PCDH7: variants seen among roughly 807,000 people sequenced by gnomAD.
The protein encoded by PCDH7 is protocadherin-7.
PCDH7 carries 17 observed loss-of-function variants against 58.9 expected under a neutral mutation model. That is an observed-to-expected ratio of 0.29 (90% CI 0.20 to 0.43). The LOEUF is 0.43. Among genes scored for constraint, PCDH7 ranks in the 20% least tolerant of loss-of-function variants. The probability of loss-of-function intolerance (pLI) is 1.00; values close to 1 mark genes in which losing one functional copy is unlikely to be tolerated. For missense variants in PCDH7, 1,274 were observed against 1,441.0 expected, an observed-to-expected ratio of 0.88 and a Z score of 1.88; for synonymous variants, 664 against 616.4, an observed-to-expected ratio of 1.08 and a Z score of -1.14.
intron 3 of PCDH7, among the ~76,000 whole-genome samples, chr4:31,109,977 A>T (rs1010476910): frequency 1.3e-5 from 2 of 152,236 alleles, no homozygotes; most frequent in Non-Finnish European, 2.9e-5. Context: ...TTTGTTGTTC[A>T]TGAATGCTCA....
intron 3 of PCDH7, among the ~76,000 whole-genome samples, chr4:31,058,926 A>G (rs1289285917): frequency 6.6e-6 from 1 of 152,008 alleles, no homozygotes; most frequent in Non-Finnish European, 1.5e-5. Context: ...TCACTGCCAC[A>G]TGTAACTGAC....
chr4:30,846,373 C>A (rs752087929), intron 1 of PCDH7, among the ~76,000 whole-genome samples: 1 of 152,102 alleles, frequency 6.6e-6, no homozygotes, highest in African/African-American at 2.4e-5. Context: ...CTTGCTCCCC[C>A]TCTCTTGTAC....
At chr4:30,797,601 T>A (rs968204147) in intron 1 of PCDH7, among the ~76,000 whole-genome samples, 2 of 152,184 alleles carry the variant, frequency 1.3e-5, no homozygotes, top group Non-Finnish European at 2.9e-5. Context: ...AATGAAATAC[T>A]GTGTGCATGC....
rs550233927 is a variant in PCDH7, at chr4:30,799,954, T to A, written c.70+75358T>A. On this transcript the variant is annotated intron_variant, in intron 1 of 3. Transcript: ENST00000509759. ...CTGCAACCTCCACCTGCCAGGTCCA[T>A]GCGATTCTTCCGCCTCAGCCTCCTG... Among the ~76,000 whole-genome samples, 6 of 151,840 alleles carry A rather than the reference T, an allele frequency of 4.0e-5. No individual in the cohort carries two copies. In the East Asian group the frequency reaches 1.2e-3, roughly 29 times the overall value.
intron 3 of PCDH7, among the ~76,000 whole-genome samples, chr4:31,136,584 C>A (rs1719629224): frequency 1.3e-5 from 2 of 152,150 alleles, no homozygotes; most frequent in African/African-American, 4.8e-5. Context: ...CTTTGGAAAT[C>A]TTAATGGCCT....
At chr4:31,028,553 G>A (rs1400763662) in intron 3 of PCDH7, among the ~76,000 whole-genome samples, 3 of 151,900 alleles carry the variant, frequency 2.0e-5, no homozygotes, top group Non-Finnish European at 4.4e-5. Flanking sequence ...TACTCCAGAG[G>A]TTGAGGTGGG....
intron 3 of PCDH7, among the ~76,000 whole-genome samples, chr4:31,109,920 G>A (rs565436773): frequency 2.0e-5 from 3 of 152,204 alleles, no homozygotes; most frequent in East Asian, 1.9e-4. Flanking sequence ...TTCATTGGAG[G>A]CCCTCCTAAA....
chr4:30,811,744 A>C (rs1249077711), intron 1 of PCDH7, among the ~76,000 whole-genome samples: 1 of 152,202 alleles, frequency 6.6e-6, no homozygotes, highest in African/African-American at 2.4e-5. Context: ...TAGTGTTTTT[A>C]GTGATGAAAG....
At chr4:30,879,678 A>G (rs904697019) in intron 1 of PCDH7, among the ~76,000 whole-genome samples, 1 of 152,158 alleles carries the variant, frequency 6.6e-6, no homozygotes, top group Non-Finnish European at 1.5e-5. Context: ...TGCAATATTG[A>G]GCAGATTATA....
chr4:30,724,943 A>T (rs1388280860), intron 1 of PCDH7: 5 of 1,053,696 alleles, frequency 4.7e-6, no homozygotes, highest in Non-Finnish European at 5.8e-6. Context: ...TTTTCACCTG[A>T]AATTATTTTC....
At chr4:30,796,863 A>C (rs1226421580) in intron 1 of PCDH7, among the ~76,000 whole-genome samples, 1 of 152,070 alleles carries the variant, frequency 6.6e-6, no homozygotes, top group Non-Finnish European at 1.5e-5. Flanking sequence ...CCTTACTGTT[A>C]TCTCTTCTGC....
At chr4:30,841,198 G>A (rs1232526450) in intron 1 of PCDH7, among the ~76,000 whole-genome samples, 1 of 151,894 alleles carries the variant, frequency 6.6e-6, no homozygotes, top group African/African-American at 2.4e-5. Flanking sequence ...TTCTTTTCAA[G>A]ATAATAACCT....
chr4:30,802,309 T>G (rs1447022766), intron 1 of PCDH7, among the ~76,000 whole-genome samples: 1 of 138,628 alleles, frequency 7.2e-6, no homozygotes, highest in Non-Finnish European at 1.6e-5. Context: ...TTATTAATAA[T>G]ACATCAAGTT....
exon 2 of PCDH7, chr4:30,730,835 C>T: frequency 1.3e-6 from 2 of 1,541,984 alleles, no homozygotes; most frequent in Non-Finnish European, 1.7e-6. Context: ...CTGTGATGAC[C>T]TTTCTACTCC....
intron 1 of PCDH7, among the ~76,000 whole-genome samples, chr4:30,870,077 G>A (rs1445692287): frequency 6.6e-6 from 1 of 152,052 alleles, no homozygotes; most frequent in Non-Finnish European, 1.5e-5. Flanking sequence ...ATGCATATAT[G>A]TCTTATTTTG....
At chr4:30,768,125 C>G (rs1266047495) in intron 1 of PCDH7, among the ~76,000 whole-genome samples, 3 of 152,144 alleles carry the variant, frequency 2.0e-5, no homozygotes, top group African/African-American at 7.2e-5. Context: ...TGTTCTCACT[C>G]TATGTAAATG....
intron 2 of PCDH7, among the ~76,000 whole-genome samples, chr4:30,945,112 A>T (rs1295824757): frequency 6.6e-6 from 1 of 152,140 alleles, no homozygotes; most frequent in Non-Finnish European, 1.5e-5. Flanking sequence ...ACTTTTAAAA[A>T]GAAGCATGTC....
chr4:30,758,551 T>C (rs1719609809), intron 1 of PCDH7, among the ~76,000 whole-genome samples: 1 of 152,166 alleles, frequency 6.6e-6, no homozygotes, highest in South Asian at 2.1e-4. Context: ...CATTTTGCCA[T>C]ACATATATAT....
chr4:30,905,995 T>C (rs1215736995), intron 1 of PCDH7, among the ~76,000 whole-genome samples: 1 of 152,212 alleles, frequency 6.6e-6, no homozygotes, highest in Non-Finnish European at 1.5e-5. Flanking sequence ...TCCAAGGAAC[T>C]TATCTTTGGG....
Sources: allele counts gnomAD v4.1 joint callset (sites outside exome capture counted in the v4.1 genomes callset), GRCh38; gene constraint gnomAD v4.1.1; transcripts MANE v1.5; gene names NCBI Gene and HGNC (gene_info 2026-07-23, HGNC 2026-07-21).